SGTA: variants seen among roughly 807,000 people sequenced by gnomAD.
The protein encoded by SGTA is small glutamine rich tetratricopeptide repeat co-chaperone alpha, also known as small glutamine-rich tetratricopeptide repeat-containing protein alpha.
Under a neutral mutation model 44.3 loss-of-function variants are expected in SGTA, and 22 were observed. That is an observed-to-expected ratio of 0.50 (90% confidence interval 0.36 to 0.71). The LOEUF (loss-of-function observed/expected upper bound fraction) is 0.71. Among genes scored for constraint, SGTA ranks in the 30% least tolerant of loss-of-function variants. The pLI is 0.00. For missense variants in SGTA, 341 were observed against 435.9 expected, an observed-to-expected ratio of 0.78 and a Z score of 1.94; for synonymous variants, 174 against 177.6, an observed-to-expected ratio of 0.98 and a Z score of 0.16.
chr19:2,759,259 C>A lies in SGTA; in HGVS notation c.735G>T (p.Gln245His). 1 of 1,614,044 alleles carries A rather than the reference C, an allele frequency of 6.2e-7. No homozygotes were observed. Among genetic ancestry groups the A allele is most frequent in the South Asian group, 1.1e-5 (1 of 91,068 alleles). The change falls in exon 9 of 12, where the codon CAG becomes CAT. Residue 245 changes from glutamine to histidine, a missense_variant and splice_region_variant. Gln to His is a conservative substitution (Grantham distance 24, BLOSUM62 0). Coordinates refer to ENST00000221566, the MANE Select transcript of SGTA (RefSeq NM_003021.4). ...GAAGAAACCCGGTTGTCACTTACAGCTGCTGAATCTGGGGATTGTTCATTA... is the reference window on the plus strand; with the variant it reads ...GAAGAAACCCGGTTGTCACTTACAGATGCTGAATCTGGGGATTGTTCATTA... ...SNLMNNPQIQ[Q>H]LMSGMISGGN...
At position 2,762,470 on chromosome 19, in the gene SGTA, C is replaced by T. The variant is rs186960953; in HGVS notation, c.636+36G>A. 1.0e-3 allele frequency: 1,611 copies of T among 1,610,746 alleles called. 34 individuals carry two copies. In the Admixed American group the frequency reaches 0.025, roughly 25 times the overall value. The stretch of plus-strand genomic sequence containing the variant: ...CTGTCCCCCACCCACACAGTCAGCT[C>T]GGCGTTCTGGAGCCACTCGCCCCCG... On this transcript the variant is annotated intron_variant, in intron 7 of 11. Transcript: ENST00000221566.
At chr19:2,772,629 G>A (rs941653236) in intron 1 of SGTA, among the ~76,000 whole-genome samples, 3 of 152,370 alleles carry the variant, frequency 2.0e-5, no homozygotes, top group Non-Finnish European at 2.9e-5. Flanking sequence ...AGATCTTGGC[G>A]GACAGAATTT....
intron 1 of SGTA, among the ~76,000 whole-genome samples, chr19:2,775,428 T>C (rs903398888): frequency 6.6e-6 from 1 of 152,242 alleles, no homozygotes; most frequent in African/African-American, 2.4e-5. Flanking sequence ...CAGACTCAGA[T>C]GACACCGGCG....
chr19:2,758,307 T>C (rs1241875049), intron 9 of SGTA, among the ~76,000 whole-genome samples: 1 of 152,080 alleles, frequency 6.6e-6, no homozygotes, highest in African/African-American at 2.4e-5. Flanking sequence ...GGCGGGTGGA[T>C]CACCTGAGGT....
At chr19:2,778,496 C>CA (rs1568313866) in intron 1 of SGTA, among the ~76,000 whole-genome samples, 2 of 136,966 alleles carry the variant, frequency 1.5e-5, no homozygotes, top group East Asian at 7.1e-4. Flanking sequence ...CCTGGAACAC[C>CA]GCCCCCCCCG....
At position 2,762,617 on chromosome 19, in the gene SGTA, G is replaced by A. The variant is rs140051913; in HGVS notation, c.525C>T (p.His175=). The A allele has an allele frequency of 5.6e-6, 9 of 1,613,862 alleles. No homozygotes were observed. The highest frequency in any genetic ancestry group is 2.7e-5 in the African/African-American group (2 of 74,922). The change falls in exon 7 of 12, where the codon CAC becomes CAT. Residue 175 remains histidine, a synonymous_variant. Coordinates refer to ENST00000221566, the MANE Select transcript of SGTA (RefSeq NM_003021.4). Reference sequence around the variant, plus strand: ...TCTTGTAGTAAGCCACGGCCTCCACGTGCTTGTTGAGGCTGGAGAGCGCCA... The same window carrying A: ...TCTTGTAGTAAGCCACGGCCTCCACATGCTTGTTGAGGCTGGAGAGCGCCA... ...MGLALSSLNK[H]VEAVAYYKKA...
intron 1 of SGTA, chr19:2,770,722 C>T (rs1056850058): frequency 2.0e-5 from 3 of 152,750 alleles, no homozygotes; most frequent in South Asian, 1.9e-4. Context: ...CATGGCCGCA[C>T]GGAGACGGCC....
chr19:2,778,008 C>T (rs901471270), intron 1 of SGTA: 4 of 133,900 alleles, frequency 3.0e-5, no homozygotes, highest in South Asian at 2.5e-4. Flanking sequence ...CAAAGCAAGA[C>T]GTCATCTCAA....
At position 2,762,607 on chromosome 19, in the gene SGTA, C is replaced by T. The variant is rs377304710; in HGVS notation, c.535G>A (p.Val179Met). 1.5e-5 allele frequency: 25 copies of T among 1,613,920 alleles called. No homozygotes were observed. Among genetic ancestry groups the T allele is most frequent in the African/African-American group, 6.7e-5 (5 of 74,932 alleles). The change falls in exon 7 of 12, where the codon GTG becomes ATG. Residue 179 changes from valine (V) to methionine (M), a missense_variant. By Grantham distance (21) the Val-to-Met change is conservative. Transcript: ENST00000221566. ...LSSLNKHVEA[V>M]AYYKKALELD... ...TCCAGAGCCTTCTTGTAGTAAGCCA[C>T]GGCCTCCACGTGCTTGTTGAGGCTG...
At chr19:2,770,143 CATCCGCCTGGTCCCCCCTCGGAT>C (rs976572676) in intron 1 of SGTA, 1 of 166,968 alleles carries the variant, frequency 6.0e-6, no homozygotes, top group Admixed American at 6.8e-5. Context: ...CCCCCTCGGA[CATCCGCCTGGTCCCCCCTCGGAT>C]ACCCTGTCTT....
intron 9 of SGTA, 145 bp downstream of exon 9, chr19:2,759,112 G>T: frequency 1.5e-6 from 1 of 686,852 alleles, no homozygotes; most frequent in Non-Finnish European, 2.5e-6. Context: ...GTGTGATAGT[G>T]GTGACAGTTG....
chr19:2,762,599 G>A lies in SGTA; in HGVS notation c.543C>T (p.Tyr181=), dbSNP rs1170125500. The part of the protein sequence containing the change: ...SLNKHVEAVA[Y]YKKALELDPD... ...GGTCCAGCTCCAGAGCCTTCTTGTA[G>A]TAAGCCACGGCCTCCACGTGCTTGT... Residue 181 remains tyrosine, a synonymous_variant, in exon 7 of 12, where the codon TAC becomes TAT. Coordinates refer to ENST00000221566, the MANE Select transcript of SGTA (RefSeq NM_003021.4). 1.9e-6 allele frequency: 3 copies of A among 1,613,968 alleles called. No individual in the cohort carries two copies. The highest frequency in any genetic ancestry group is 1.7e-6 in the Non-Finnish European group (2 of 1,180,000).
rs373481972 is a variant in SGTA, at chr19:2,761,889, T to C, written c.637-367A>G. Among the ~76,000 whole-genome samples the C allele has an allele frequency of 0.024, 1,436 of 60,422 alleles. 5 individuals carry two copies. Among genetic ancestry groups the C allele is most frequent in the Middle Eastern group, 0.057 (4 of 70 alleles). 39.6% of individuals were successfully genotyped at this position (60,422 alleles called of 152,430 possible). A position where few individuals can be genotyped will look rare whatever the true frequency, so the allele number is the denominator to read the frequency against. The stretch of plus-strand genomic sequence containing the variant: ...TCTATCATCCCGTGTTTATTCCCCG[T>C]ACAGCGCGACCGCCCGGGGACGGCA... On this transcript the variant is annotated intron_variant, in intron 7 of 11. Transcript: ENST00000221566. The surrounding 1 kb of genome is among the most constrained non-coding windows in gnomAD (Gnocchi z 5.7).
chr19:2,756,065 G>T (rs1914811451), intron 11 of SGTA, 132 bp from the exon 12 acceptor site: 1 of 316,782 alleles, frequency 3.2e-6, no homozygotes, highest in Non-Finnish European at 4.6e-6. Context: ...GAACGTCAGA[G>T]CCACAGCTGC....
chr19:2,779,012 C>T (rs573729642), intron 1 of SGTA, among the ~76,000 whole-genome samples: 14 of 152,236 alleles, frequency 9.2e-5, no homozygotes, highest in African/African-American at 3.4e-4. Context: ...TTCTGTCCTG[C>T]GCACGGCAGG....
intron 5 of SGTA, among the ~76,000 whole-genome samples, chr19:2,764,771 A>G (rs990516993): frequency 1.3e-5 from 2 of 152,122 alleles, no homozygotes; most frequent in Admixed American, 6.6e-5. Context: ...TCACCATGTT[A>G]GCCAGGCTGG....
chr19:2,767,429 C>T lies in SGTA; in HGVS notation c.207+151G>A. On this transcript the variant is annotated intron_variant, in intron 3 of 11. Transcript: ENST00000221566. This position sits in a 1 kb window ranked among gnomAD's most constrained non-coding sequence, Gnocchi z 7.3. ...GACCCGCCGATAGGGGGAGGAGGGC[C>T]AAGTGCTCCTGCAGCCACGTCCCCA... is the stretch of plus-strand genomic sequence containing the variant. 1 of 753,334 alleles carries T rather than the reference C, an allele frequency of 1.3e-6. No individual in the cohort carries two copies. The highest frequency in any genetic ancestry group is 2.2e-6 in the Non-Finnish European group (1 of 448,934). The allele number at this position is 753,334 out of a possible 1,614,324, so 46.7% of individuals were successfully genotyped here.
In SGTA at chr19:2,767,277, G is replaced by T; in HGVS notation, c.208-57C>A. On this transcript the variant is annotated intron_variant, in intron 3 of 11. Transcript: ENST00000221566. The surrounding 1 kb of genome is among the most constrained non-coding windows in gnomAD (Gnocchi z 7.3). ...CTCTCCTCCCAACCTGGCACCCTCC[G>T]GCCTTAGCTTCCCTCGGGACGCCAG... The T allele has an allele frequency of 7.2e-7, 1 of 1,393,076 alleles. No homozygotes were observed. 86.3% of individuals were successfully genotyped at this position (1,393,076 alleles called of 1,614,324 possible).
At chr19:2,768,898 CAGGTGTCTACACG>C (rs1568310759) in intron 2 of SGTA, 58 bp downstream of exon 2, 5 of 1,105,728 alleles carry the variant, frequency 4.5e-6, no homozygotes, top group South Asian at 3.7e-5. Flanking sequence ...ATCTACACAC[CAGGTGTCTACACG>C]AGGCGACTGT....
Sources: allele counts gnomAD v4.1 joint callset (sites outside exome capture counted in the v4.1 genomes callset), GRCh38; gene constraint gnomAD v4.1.1; non-coding constraint Gnocchi (gnomAD v3.1); transcripts MANE v1.5; gene names NCBI Gene and HGNC (gene_info 2026-07-23, HGNC 2026-07-21).